PWWP3B: variants seen among roughly 807,000 people sequenced by gnomAD.
PWWP3B encodes the protein PWWP domain-containing DNA repair factor 3B.
PWWP3B carries 5 observed loss-of-function variants against 15.7 expected under a neutral mutation model. That is an observed-to-expected ratio of 0.32 (90% CI 0.17 to 0.67). PWWP3B has a LOEUF of 0.67. Ranked by LOEUF, PWWP3B falls within the 30% of genes least tolerant of loss-of-function variation. PWWP3B has a pLI of 0.74. For missense variants in PWWP3B, 519 were observed against 493.1 expected (o/e 1.05, Z -0.50); for synonymous variants, 203 against 179.8 (o/e 1.13, Z -1.03).
intron 2 of PWWP3B, among the ~76,000 whole-genome samples, chrX:106,179,609 A>T (rs1355359289): frequency 9.0e-6 from 1 of 111,568 alleles, no homozygotes; most frequent in African/African-American, 3.3e-5. Context: ...CCTCTGAGAA[A>T]CAGTGGAACC....
rs1273783137 is a variant in PWWP3B, at chrX:106,206,880, G to T, written c.1448G>T (p.Gly483Val). The T allele has an allele frequency of 8.3e-7, 1 of 1,209,408 alleles. No individual in the cohort carries two copies. The highest frequency in any genetic ancestry group is 1.7e-5 in the African/African-American group (1 of 57,215). Residue 483 changes from glycine (G) to valine (V), a missense_variant, in exon 4 of 4, where the codon GGT becomes GTT. Transcript: ENST00000357175. ...ICDYRVRIGC[G>V]SFTGSLLEYY... ...GACTACAGAGTTAGAATAGGTTGTG[G>T]TTCTTTCACGGGCTCTTTGCTTGAG...
intron 2 of PWWP3B, among the ~76,000 whole-genome samples, chrX:106,191,427 G>A (rs1423288755): frequency 1.8e-5 from 2 of 111,638 alleles, no homozygotes; most frequent in South Asian, 3.8e-4. Context: ...TTATCAGCTT[G>A]AGGAGATTTT....
intron 2 of PWWP3B, among the ~76,000 whole-genome samples, chrX:106,194,554 C>T (rs1232873914): frequency 8.9e-6 from 1 of 112,238 alleles, no homozygotes; most frequent in Non-Finnish European, 1.9e-5. Context: ...CAAAGTCATT[C>T]TCCGTCCAGC....
intron 2 of PWWP3B, among the ~76,000 whole-genome samples, chrX:106,179,581 C>A (rs1160147883): frequency 1.8e-5 from 2 of 111,334 alleles, no homozygotes; most frequent in African/African-American, 6.5e-5. Context: ...GGGAAATCTG[C>A]ATGTGATGCC....
rs1405163469 is a variant in PWWP3B, at chrX:106,208,672, A to G, written c.*1149A>G. 8.1e-6 allele frequency: 1 copy of G among 124,168 alleles called. No individual in the cohort carries two copies. Among genetic ancestry groups the G allele is most frequent in the Non-Finnish European group, 1.9e-5 (1 of 53,477 alleles). 10.2% of individuals were successfully genotyped at this position (124,168 alleles called of 1,213,427 possible). A position where few individuals can be genotyped will look rare whatever the true frequency, so the allele number is the denominator to read the frequency against. On this transcript the variant is annotated 3_prime_UTR_variant, in exon 4 of 4. Transcript: ENST00000357175. ...CTCCATTTGGCTAAATATGACAATT[A>G]TCTGAGTATGGTTAAATACATACAA...
intron 2 of PWWP3B, among the ~76,000 whole-genome samples, chrX:106,190,397 T>G (rs1218519352): frequency 8.9e-6 from 1 of 112,082 alleles, no homozygotes; most frequent in African/African-American, 3.2e-5. Flanking sequence ...GGTTGTTTGT[T>G]TTTTTCTTGT....
At chrX:106,186,615 C>G (rs1418428396) in intron 2 of PWWP3B, among the ~76,000 whole-genome samples, 1 of 110,964 alleles carries the variant, frequency 9.0e-6, no homozygotes, top group African/African-American at 3.3e-5. Flanking sequence ...TCACTGACTT[C>G]AAGAATGAAG....
rs773975672 is a variant in PWWP3B, at chrX:106,197,621, C to T, written c.-400-6364C>T. Reference sequence around the variant, plus strand: ...TTAAAGACTGTGAAAAAGAACTTGGCATTAAGTGTGTACGTGTTGGGGTTC... The same window carrying T: ...TTAAAGACTGTGAAAAAGAACTTGGTATTAAGTGTGTACGTGTTGGGGTTC... On this transcript the variant is annotated intron_variant, in intron 2 of 3. Transcript: ENST00000357175. 3.6e-5 allele frequency among the ~76,000 whole-genome samples: 4 copies of T among 112,515 alleles called. No individual in the cohort carries two copies. The South Asian group carries it at 1.5e-3, about 41-fold the overall frequency.
chrX:106,196,759 T>C (rs1050059452), intron 2 of PWWP3B, among the ~76,000 whole-genome samples: 3 of 112,320 alleles, frequency 2.7e-5, no homozygotes, highest in African/African-American at 9.7e-5. Context: ...TTTCTTTATT[T>C]GTTATTTTCT....
intron 2 of PWWP3B, among the ~76,000 whole-genome samples, chrX:106,173,086 C>G (rs1921705197): frequency 8.9e-6 from 1 of 111,820 alleles, no homozygotes; most frequent in Non-Finnish European, 1.9e-5. Context: ...TCCCAGCAAC[C>G]ATCACAAATC....
At chrX:106,192,744 T>TTTGTTCTCG (rs751915586) in intron 2 of PWWP3B, among the ~76,000 whole-genome samples, 1 of 111,350 alleles carries the variant, frequency 9.0e-6, no homozygotes, top group South Asian at 3.9e-4. Flanking sequence ...ATGTTGTGTC[T>TTTGTTCTCG]TTGTTCTCGT....
chrX:106,183,336 G>A (rs775881394), intron 2 of PWWP3B, among the ~76,000 whole-genome samples: 1 of 111,660 alleles, frequency 9.0e-6, no homozygotes, highest in Non-Finnish European at 1.9e-5. Context: ...ACAATATCCT[G>A]TAATACTTTA....
chrX:106,189,203 C>A (rs1782092656), intron 2 of PWWP3B, among the ~76,000 whole-genome samples: 1 of 111,471 alleles, frequency 9.0e-6, no homozygotes, highest in Non-Finnish European at 1.9e-5. Flanking sequence ...TTAGCTATTC[C>A]TTTTTTTAAC....
chrX:106,181,332 C>G (rs1922185483), intron 2 of PWWP3B, among the ~76,000 whole-genome samples: 1 of 111,563 alleles, frequency 9.0e-6, no homozygotes, highest in Admixed American at 9.4e-5. Flanking sequence ...TTGTCCCCGC[C>G]CACGTCGTGC....
At chrX:106,200,704 A>G (rs1230049626) in intron 2 of PWWP3B, among the ~76,000 whole-genome samples, 3 of 111,933 alleles carry the variant, frequency 2.7e-5, no homozygotes, top group African/African-American at 9.7e-5. Flanking sequence ...ATTTTTAAAA[A>G]TTAATTCCCC....
At position 106,208,204 on chromosome X, in the gene PWWP3B, G is replaced by A. The variant is rs866329879; in HGVS notation, c.*681G>A. 1 of 123,762 alleles carries A rather than the reference G, an allele frequency of 8.1e-6. No homozygotes were observed. The highest frequency in any genetic ancestry group is 9.4e-5 in the Admixed American group (1 of 10,601). 10.2% of individuals were successfully genotyped at this position (123,762 alleles called of 1,213,427 possible). On this transcript the variant is annotated 3_prime_UTR_variant, in exon 4 of 4. Transcript: ENST00000357175. ...AAATAATTTTGGCTGCTTTGAACAG[G>A]ATTGTTCATTCTACACTTCCCTGAA...
chrX:106,190,882 C>G (rs925935574), intron 2 of PWWP3B, among the ~76,000 whole-genome samples: 218 of 111,102 alleles, frequency 2.0e-3, no homozygotes, highest in African/African-American at 7.0e-3. Context: ...TCTGAGGGCT[C>G]TGTTCTGTTC....
intron 2 of PWWP3B, among the ~76,000 whole-genome samples, chrX:106,175,491 C>T (rs1023243906): frequency 2.7e-5 from 3 of 110,182 alleles, no homozygotes; most frequent in East Asian, 2.9e-4. Flanking sequence ...CTGCCCACCT[C>T]GGCCTCCCAA....
Position 106,207,440 on chromosome X carries a change from C to T in PWWP3B, c.2008C>T (p.Leu670=). The T allele has an allele frequency of 8.6e-7, 1 of 1,165,192 alleles. No individual in the cohort carries two copies. Among genetic ancestry groups the T allele is most frequent in the Non-Finnish European group, 1.1e-6 (1 of 872,313 alleles). ...AEAKYLKGPC[L]GYRERELFDA... is the part of the protein sequence containing the mutation. The stretch of plus-strand genomic sequence containing the variant: ...AGCAAAGTATCTAAAAGGACCATGT[C>T]TAGGCTACAGGGAAAGAGAATTATT... Residue 670 remains leucine, a synonymous_variant, in exon 4 of 4, where the codon CTA becomes TTA. Coordinates refer to ENST00000357175, the MANE Select transcript of PWWP3B (RefSeq NM_001171020.2).
Sources: gnomAD v4.1 joint callset for allele counts (sites outside exome capture counted in the v4.1 genomes callset) on GRCh38, gnomAD v4.1.1 for gene constraint, MANE v1.5 for transcripts, NCBI Gene and HGNC (gene_info 2026-07-23, HGNC 2026-07-21) for gene names.